Variants in DCAF8 observed in about 807,000 individuals in gnomAD.
DCAF8 encodes DDB1 and CUL4 associated factor 8, also known as DDB1- and CUL4-associated factor 8.
DCAF8 carries 20 observed loss-of-function variants against 68.0 expected under a neutral mutation model. That is an observed-to-expected ratio of 0.29 (90% confidence interval 0.21 to 0.43). DCAF8 has a LOEUF of 0.43. Ranked by LOEUF, DCAF8 falls within the 20% of genes least tolerant of loss-of-function variation. DCAF8 has a pLI of 1.00. For synonymous variants in DCAF8, 230 were observed against 276.9 expected (o/e 0.83, Z 1.68); for missense variants, 460 against 771.0 (o/e 0.60, Z 4.78).
At chr1:160,232,052 G>A (rs1286083111) in intron 6 of DCAF8, among the ~76,000 whole-genome samples, 1 of 152,008 alleles carries the variant, frequency 6.6e-6, no homozygotes, top group African/African-American at 2.4e-5. Context: ...TTAGCCAGGC[G>A]TGGTGGCGCA....
At chr1:160,240,745 A>C (rs1656081615) in intron 3 of DCAF8, among the ~76,000 whole-genome samples, 1 of 152,248 alleles carries the variant, frequency 6.6e-6, no homozygotes, top group Non-Finnish European at 1.5e-5. Context: ...ATAATTAAAC[A>C]GAATATAAAA....
chr1:160,259,284 T>C (rs749242987), intron 2 of DCAF8, among the ~76,000 whole-genome samples: 3 of 152,096 alleles, frequency 2.0e-5, no homozygotes, highest in Admixed American at 6.5e-5. Context: ...CCTGTAATCC[T>C]AGCACTTTGG....
At chr1:160,262,173 G>A (rs1482513820) in intron 1 of DCAF8, 3 of 396,454 alleles carry the variant, frequency 7.6e-6, no homozygotes, top group Non-Finnish European at 1.3e-5. Flanking sequence ...GGAAGGAAAA[G>A]ACCTGAGCGC....
intron 11 of DCAF8, chr1:160,220,679 C>T (rs980061649): frequency 3.3e-5 from 5 of 152,172 alleles, no homozygotes; most frequent in Non-Finnish European, 5.9e-5. Flanking sequence ...GATACCACCC[C>T]CAACCCTTGT....
rs1174255264 is a variant in DCAF8, at chr1:160,239,975, G to A, written c.445C>T (p.Arg149Ter). The stretch of plus-strand genomic sequence containing the variant: ...GCAGGGAGGGCTTGCCAGCGAGGTC[G>A]GGGTAGAGCTGATGTTTCTGAGGAC... ...WVSSETSALP[R>*]PRWQALPALR... Residue 149 changes from arginine (R) to a stop codon, truncating the protein, a stop_gained, in exon 4 of 14, where the codon CGA becomes TGA. Coordinates refer to ENST00000368074, the MANE Select transcript of DCAF8 (RefSeq NM_015726.4). LOFTEE classifies it high-confidence loss of function. 1.9e-6 allele frequency: 3 copies of A among 1,614,212 alleles called. No individual in the cohort carries two copies. Among genetic ancestry groups the A allele is most frequent in the Non-Finnish European group, 2.5e-6 (3 of 1,180,030 alleles).
intron 5 of DCAF8, among the ~76,000 whole-genome samples, 176 bp downstream of exon 5, chr1:160,238,431 C>T (rs1655967600): frequency 6.6e-6 from 1 of 152,124 alleles, no homozygotes; most frequent in Non-Finnish European, 1.5e-5. Flanking sequence ...ACTTGCCTTC[C>T]TAGGAGTTTA....
At chr1:160,259,388 C>G (rs1656966376) in intron 2 of DCAF8, among the ~76,000 whole-genome samples, 1 of 152,092 alleles carries the variant, frequency 6.6e-6, no homozygotes, top group South Asian at 2.1e-4. Flanking sequence ...CAAAAATTAG[C>G]TGGGCATGGT....
At chr1:160,260,100 A>G (rs9662568) in intron 2 of DCAF8, among the ~76,000 whole-genome samples, 1 of 151,872 alleles carries the variant, frequency 6.6e-6, no homozygotes, top group African/African-American at 2.4e-5. Flanking sequence ...AAAAAAAACC[A>G]AAAAACAACA....
intron 4 of DCAF8, chr1:160,239,147 A>G (rs914606996): frequency 8.5e-6 from 9 of 1,053,076 alleles, no homozygotes; most frequent in Non-Finnish European, 1.0e-5. Context: ...GAACACCCTT[A>G]GGATAAATGG....
At chr1:160,218,004 A>AG in intron 13 of DCAF8, 1 of 507,408 alleles carries the variant, frequency 2.0e-6, no homozygotes, top group Non-Finnish European at 3.5e-6. Context: ...CCCCTGAACT[A>AG]GGCCTCTTTT....
intron 2 of DCAF8, among the ~76,000 whole-genome samples, chr1:160,249,105 G>A (rs919517424): frequency 5.3e-5 from 8 of 151,406 alleles, no homozygotes; most frequent in Middle Eastern, 3.5e-3. Context: ...CAGGAGAATC[G>A]CTTGAACCTA....
intron 2 of DCAF8, among the ~76,000 whole-genome samples, chr1:160,246,434 CAGA>C (rs948722443): frequency 2.4e-4 from 36 of 152,274 alleles, no homozygotes; most frequent in African/African-American, 8.7e-4. Flanking sequence ...AAAATTTCTG[CAGA>C]AGGATACTCT....
intron 2 of DCAF8, among the ~76,000 whole-genome samples, chr1:160,246,087 G>A (rs919888235): frequency 1.1e-4 from 17 of 152,056 alleles, no homozygotes; most frequent in African/African-American, 2.4e-4. Flanking sequence ...GTGGTGAGCC[G>A]AGATCGTGCC....
chr1:160,226,656 A>G (rs1479834933), intron 7 of DCAF8, among the ~76,000 whole-genome samples: 1 of 152,066 alleles, frequency 6.6e-6, no homozygotes, highest in African/African-American at 2.4e-5. Flanking sequence ...CTTTCTAAAA[A>G]TCCTTCTGCT....
At chr1:160,238,400 TG>T (rs1408177991) in intron 5 of DCAF8, among the ~76,000 whole-genome samples, 1 of 152,222 alleles carries the variant, frequency 6.6e-6, no homozygotes, top group African/African-American at 2.4e-5. Flanking sequence ...TATGAATGCA[TG>T]ATCTAGGGAC....
At position 160,215,986 on chromosome 1, in the gene DCAF8, G is replaced by T. The variant is rs759324002; in HGVS notation, c.*1606C>A. 1.3e-5 allele frequency: 2 copies of T among 152,186 alleles called. No homozygotes were observed. The highest frequency in any genetic ancestry group is 1.9e-4 in the East Asian group (1 of 5,178). 9.4% of individuals were successfully genotyped at this position (152,186 alleles called of 1,614,324 possible). A position where few individuals can be genotyped will look rare whatever the true frequency, so the allele number is the denominator to read the frequency against. On this transcript the variant is annotated 3_prime_UTR_variant, in exon 14 of 14. Transcript: ENST00000368074. ...ATTTAGAAGAATCTGACTGTCCCAGGATACAGAATTCTTGGTTGGATCTTG... is the reference window on the plus strand; with the variant it reads ...ATTTAGAAGAATCTGACTGTCCCAGTATACAGAATTCTTGGTTGGATCTTG...
In DCAF8 at chr1:160,227,206, C is replaced by T. The variant is rs1036554476; in HGVS notation, c.1071-1543G>A. 2.6e-5 allele frequency among the ~76,000 whole-genome samples: 4 copies of T among 152,302 alleles called. No homozygotes were observed. The East Asian group carries it at 5.8e-4, about 22-fold the overall frequency. On this transcript the variant is annotated intron_variant, in intron 7 of 13. Coordinates refer to ENST00000368074, the MANE Select transcript of DCAF8 (RefSeq NM_015726.4). ...TTTAATGGGTGGAGAAAGGAAGACA[C>T]ACCCATGAACAACACTGAGGAGTGG...
chr1:160,255,313 T>TATC (rs1276356167), intron 2 of DCAF8, among the ~76,000 whole-genome samples: 1 of 152,208 alleles, frequency 6.6e-6, no homozygotes, highest in African/African-American at 2.4e-5. Context: ...TTACTATTAT[T>TATC]ATCGTAGAGA....
chr1:160,232,831 A>C (rs1655739419), intron 6 of DCAF8, among the ~76,000 whole-genome samples: 1 of 152,154 alleles, frequency 6.6e-6, no homozygotes, highest in African/African-American at 2.4e-5. Flanking sequence ...AAGTAAAAAA[A>C]TAAAAAACCC....
Sources: gnomAD v4.1 joint callset for allele counts (sites outside exome capture counted in the v4.1 genomes callset) on GRCh38, gnomAD v4.1.1 for gene constraint, MANE v1.5 for transcripts, NCBI Gene and HGNC (gene_info 2026-07-23, HGNC 2026-07-21) for gene names.